Variants in HDAC7 observed in about 807,000 individuals in gnomAD.
HDAC7 encodes histone deacetylase 7, also known as histone deacetylase 7A.
Under a neutral mutation model 115.5 loss-of-function variants are expected in HDAC7, and 26 were observed. That is an observed-to-expected ratio of 0.23 (90% confidence interval 0.16 to 0.31). The LOEUF (loss-of-function observed/expected upper bound fraction) is 0.31, where lower values mean the gene tolerates loss of function less well. HDAC7 is among the 10% of genes least tolerant of loss of function. The probability of loss-of-function intolerance (pLI) is 1.00; values close to 1 mark genes in which losing one functional copy is unlikely to be tolerated. For synonymous variants in HDAC7, 564 were observed against 550.9 expected (o/e 1.02, Z -0.33); for missense variants, 1,068 against 1,329.0 (o/e 0.80, Z 3.05).
In HDAC7 at chr12:47,791,960, C is replaced by G; in HGVS notation, c.1723G>C (p.Gly575Arg). 6.2e-7 allele frequency: 1 copy of G among 1,611,190 alleles called. No homozygotes were observed. The highest frequency in any genetic ancestry group is 8.5e-7 in the Non-Finnish European group (1 of 1,179,056). Reference protein sequence around the residue: ...SVMLKHQCSCGDNSRHPEHAG... With the variant: ...SVMLKHQCSCRDNSRHPEHAG... Reference sequence around the variant, plus strand: ...TGCTCCGGGTGCCTGCTGTTGTCACCGCAGGAGCACTGGTGCTTCAGCATG... The same window carrying G: ...TGCTCCGGGTGCCTGCTGTTGTCACGGCAGGAGCACTGGTGCTTCAGCATG... Residue 575 changes from glycine to arginine, a missense_variant, in exon 14 of 26, where the codon GGT becomes CGT. Coordinates refer to ENST00000080059, the MANE Select transcript of HDAC7 (RefSeq NM_015401.5).
Position 47,795,005 on chromosome 12 carries a change from G to T in HDAC7, c.1285-72C>A. On this transcript the variant is annotated intron_variant, in intron 11 of 25. Coordinates refer to ENST00000080059, the MANE Select transcript of HDAC7 (RefSeq NM_015401.5). This position sits in a 1 kb window ranked among gnomAD's most constrained non-coding sequence, Gnocchi z 4.3. ...CATGGGGTGGGAGGTGGTGGGCTGG[G>T]CCAGGCAGCCAGTCATCTTGCTAGG... 6.8e-7 allele frequency: 1 copy of T among 1,462,200 alleles called. No individual in the cohort carries two copies. The highest frequency in any genetic ancestry group is 9.3e-7 in the Non-Finnish European group (1 of 1,072,288). 90.6% of individuals were successfully genotyped at this position (1,462,200 alleles called of 1,614,324 possible). A position where few individuals can be genotyped will look rare whatever the true frequency, so the allele number is the denominator to read the frequency against.
intron 7 of HDAC7, 35 bp from the exon 8 acceptor site, chr12:47,796,333 G>C: frequency 6.5e-7 from 1 of 1,528,768 alleles, no homozygotes; most frequent in Non-Finnish European, 8.9e-7. Flanking sequence ...TGCAGTCAGA[G>C]GCCAGGGTGG....
chr12:47,819,929 C>T (rs1944977384), upstream of HDAC7: 2 of 148,186 alleles, frequency 1.3e-5, no homozygotes, highest in Admixed American at 1.3e-4. Flanking sequence ...GGGGAGGGCC[C>T]TGGCAGCCCG....
At chr12:47,814,754 C>G (rs925802546) in intron 1 of HDAC7, among the ~76,000 whole-genome samples, 2 of 152,346 alleles carry the variant, frequency 1.3e-5, no homozygotes, top group Middle Eastern at 3.4e-3. Flanking sequence ...CCAGGGAGTT[C>G]ACAAGCACGG....
upstream of HDAC7, among the ~76,000 whole-genome samples, chr12:47,820,988 C>T (rs1212824423): frequency 6.6e-6 from 1 of 152,176 alleles, no homozygotes; most frequent in African/African-American, 2.4e-5. The surrounding 1 kb of genome is among the most constrained non-coding windows in gnomAD (Gnocchi z 4.3). Context: ...CTGGGCTAGC[C>T]GGTCAGCCGT....
chr12:47,795,799 G>T lies in HDAC7; in HGVS notation c.907-32C>A. The T allele has an allele frequency of 6.6e-7, 1 of 1,513,726 alleles. No homozygotes were observed. Among genetic ancestry groups the T allele is most frequent in the Non-Finnish European group, 8.9e-7 (1 of 1,127,334 alleles). 93.8% of individuals were successfully genotyped at this position (1,513,726 alleles called of 1,614,324 possible). A position where few individuals can be genotyped will look rare whatever the true frequency, so the allele number is the denominator to read the frequency against. Reference sequence around the variant, plus strand: ...GAGAGGCGGGAGAAGTCACGGGGAAGAAGATTCCAGCAGAGAACAATGAAG... The same window carrying T: ...GAGAGGCGGGAGAAGTCACGGGGAATAAGATTCCAGCAGAGAACAATGAAG... On this transcript the variant is annotated intron_variant, in intron 9 of 25. Transcript: ENST00000080059. This position sits in a 1 kb window ranked among gnomAD's most constrained non-coding sequence, Gnocchi z 4.3.
At chr12:47,800,689 C>T (rs1361174919) in intron 2 of HDAC7, among the ~76,000 whole-genome samples, 1 of 152,192 alleles carries the variant, frequency 6.6e-6, no homozygotes, top group Non-Finnish European at 1.5e-5. Context: ...GGGGTGACTC[C>T]CCTGATTATG....
At chr12:47,787,678 T>C in intron 21 of HDAC7, 34 bp downstream of exon 21, 1 of 1,476,584 alleles carries the variant, frequency 6.8e-7, no homozygotes, top group Non-Finnish European at 9.3e-7. Flanking sequence ...CAGGAGAGGG[T>C]GGACTTGCCC....
chr12:47,797,291 G>GGGGCCCC lies in HDAC7; in HGVS notation c.577+92_577+93insGGGGCCC. On this transcript the variant is annotated intron_variant, in intron 6 of 25. Transcript: ENST00000080059. The surrounding 1 kb of genome is among the most constrained non-coding windows in gnomAD (Gnocchi z 5.5). ...AGCCTACCGATGATCTCCTGGCCCA[G>GGGGCCCC]CCCAGCCCGCCCACCCCTGCACACT... 7.5e-7 allele frequency: 1 copy of GGGGCCCC among 1,336,206 alleles called. No homozygotes were observed. The highest frequency in any genetic ancestry group is 1.1e-6 in the Non-Finnish European group (1 of 948,964). 82.8% of individuals were successfully genotyped at this position (1,336,206 alleles called of 1,614,324 possible).
Position 47,793,332 on chromosome 12 carries a change from C to T in HDAC7, c.1678+37G>A. 1 of 1,261,076 alleles carries T rather than the reference C, an allele frequency of 7.9e-7. No individual in the cohort carries two copies. The allele number at this position is 1,261,076 out of a possible 1,614,324, so 78.1% of individuals were successfully genotyped here. On this transcript the variant is annotated intron_variant, in intron 13 of 25. Transcript: ENST00000080059. This position sits in a 1 kb window ranked among gnomAD's most constrained non-coding sequence, Gnocchi z 4.5. ...ACCCACATGGACTCGTGCAGCCGAG[C>T]CCCTCCCTCCACCCGCCACCCTCCT...
intron 12 of HDAC7, among the ~76,000 whole-genome samples, chr12:47,794,032 G>A (rs1943671380): frequency 1.3e-5 from 2 of 152,198 alleles, no homozygotes; most frequent in Admixed American, 6.5e-5. Flanking sequence ...TTCAGAGATA[G>A]GGTCTTTACA....
intron 1 of HDAC7, among the ~76,000 whole-genome samples, chr12:47,809,751 A>T (rs1378496804): frequency 6.6e-6 from 1 of 150,648 alleles, no homozygotes; most frequent in African/African-American, 2.4e-5. Context: ...TTGTATATTT[A>T]GTAGAGACGG....
At chr12:47,811,429 C>T (rs1396323810) in intron 1 of HDAC7, among the ~76,000 whole-genome samples, 2 of 152,074 alleles carry the variant, frequency 1.3e-5, no homozygotes, top group Non-Finnish European at 2.9e-5. Flanking sequence ...CTGGGAATTC[C>T]GTTAAGATGA....
chr12:47,793,544 C>T lies in HDAC7; in HGVS notation c.1503G>A (p.Arg501=). 2 of 1,546,794 alleles carry T rather than the reference C, an allele frequency of 1.3e-6. No homozygotes were observed. The highest frequency in any genetic ancestry group is 1.7e-6 in the Non-Finnish European group (2 of 1,146,032). The part of the protein sequence containing the change: ...EQQRLAGRLP[R]GSTGDTVLLP... ...GCAGCACAGTGTCCCCGGTGCTGCC[C>T]CGGGGGAGCCGCCCAGCCAGTCGCT... The change falls in exon 13 of 26, where the codon CGG becomes CGA. Residue 501 remains arginine, a synonymous_variant. Coordinates refer to ENST00000080059, the MANE Select transcript of HDAC7 (RefSeq NM_015401.5). This position sits in a 1 kb window ranked among gnomAD's most constrained non-coding sequence, Gnocchi z 4.5.
In HDAC7 at chr12:47,797,331, G is replaced by A. The variant is rs1009230184; in HGVS notation, c.577+53C>T. ...CCCTGCACACTCCTCCCCCATGTCCGAGGCCCTTCCCCCTTCCTTTGCCTG... is the reference window on the plus strand; with the variant it reads ...CCCTGCACACTCCTCCCCCATGTCCAAGGCCCTTCCCCCTTCCTTTGCCTG... On this transcript the variant is annotated intron_variant, in intron 6 of 25. Coordinates refer to ENST00000080059, the MANE Select transcript of HDAC7 (RefSeq NM_015401.5). This position sits in a 1 kb window ranked among gnomAD's most constrained non-coding sequence, Gnocchi z 5.5. The A allele has an allele frequency of 4.5e-5, 56 of 1,255,894 alleles. No individual in the cohort carries two copies. Among genetic ancestry groups the A allele is most frequent in the African/African-American group, 2.9e-4 (19 of 65,362 alleles). The allele number at this position is 1,255,894 out of a possible 1,614,324, so 77.8% of individuals were successfully genotyped here.
chr12:47,797,142 A>G lies in HDAC7; in HGVS notation c.578T>C (p.Val193Ala). The change falls in exon 7 of 26, where the codon GTC becomes GCC. Residue 193 changes from valine to alanine, a missense_variant and splice_region_variant. Physicochemically the swap from Val to Ala is moderately conservative, Grantham distance 64. Transcript: ENST00000080059. The surrounding 1 kb of genome is among the most constrained non-coding windows in gnomAD (Gnocchi z 5.5). ...PPEHFPLRKT[V>A]SEPNLKLRYK... ...GCGCAGCTTCAGGTTGGGCTCAGAG[A>G]CTGCAGGGAGCACCAGCGTCACTCA... 1 of 1,589,474 alleles carries G rather than the reference A, an allele frequency of 6.3e-7. No individual in the cohort carries two copies. The highest frequency in any genetic ancestry group is 8.6e-7 in the Non-Finnish European group (1 of 1,168,406).
rs1565566434 is a variant in HDAC7, at chr12:47,797,474, C to T, written c.487G>A (p.Gly163Arg). The T allele has an allele frequency of 5.0e-6, 8 of 1,613,392 alleles. No homozygotes were observed. The highest frequency in any genetic ancestry group is 6.8e-6 in the Non-Finnish European group (8 of 1,179,654). The change falls in exon 6 of 26, where the codon GGA becomes AGA. Residue 163 changes from glycine (G) to arginine (R), a missense_variant. Coordinates refer to ENST00000080059, the MANE Select transcript of HDAC7 (RefSeq NM_015401.5). This position sits in a 1 kb window ranked among gnomAD's most constrained non-coding sequence, Gnocchi z 5.5. ...CTGCTGAGCATGGAGCGGGTGGCTCCTTCCGTCTCCAGGGGCTCCAGGGTT... is the reference window on the plus strand; with the variant it reads ...CTGCTGAGCATGGAGCGGGTGGCTCTTTCCGTCTCCAGGGGCTCCAGGGTT... ...YRTLEPLETE[G>R]ATRSMLSSFL...
chr12:47,789,326 C>T lies in HDAC7; in HGVS notation c.2170G>A (p.Val724Met). The T allele has an allele frequency of 6.2e-7, 1 of 1,613,980 alleles. No individual in the cohort carries two copies. The highest frequency in any genetic ancestry group is 8.5e-7 in the Non-Finnish European group (1 of 1,180,006). Residue 724 changes from valine (V) to methionine (M), a missense_variant, in exon 19 of 26, where the codon GTG (valine) becomes ATG (methionine). By Grantham distance (21) the Val-to-Met change is conservative. This residue lies in a region of HDAC7 where 182 missense variants were observed against 301.1 expected (regional missense o/e 0.60). Transcript: ENST00000080059. ...TAMGFCFFNS[V>M]AIACRQLQQQ... ...TGCAGCTGCCGGCAGGCGATGGCCA[C>T]TGAGTTGAAGAAGCAGAAGCCCCTG...
chr12:47,789,419 GC>G, intron 18 of HDAC7, 71 bp from the exon 19 acceptor site: 1 of 1,578,070 alleles, frequency 6.3e-7, no homozygotes, highest in Non-Finnish European at 8.7e-7. Context: ...CCCTGGGTTG[GC>G]CCAGCCTGAG....
Sources: gnomAD v4.1 joint callset for allele counts (sites outside exome capture counted in the v4.1 genomes callset) on GRCh38, gnomAD v4.1.1 for gene constraint, gnomAD v4.1.1 regional missense constraint, Gnocchi (gnomAD v3.1) non-coding constraint, MANE v1.5 for transcripts, NCBI Gene and HGNC (gene_info 2026-07-23, HGNC 2026-07-21) for gene names.